Variants in OR52N2 observed in about 807,000 individuals in gnomAD.
OR52N2 encodes the protein olfactory receptor 52N2.
For missense variants in OR52N2, 326 were observed against 196.6 expected, an observed-to-expected ratio of 1.66 and a Z score of -3.94; for synonymous variants, 129 against 72.0, an observed-to-expected ratio of 1.79 and a Z score of -4.01.
At chr11:5,812,074 G>C (rs1312634658) in intron 1 of OR52N2, among the ~76,000 whole-genome samples, 1 of 152,154 alleles carries the variant, frequency 6.6e-6, no homozygotes, top group Non-Finnish European at 1.5e-5. Context: ...GGCCTGTTGG[G>C]GGTTGGGGGT....
chr11:5,814,201 AAAG>A (rs1846384655), intron 1 of OR52N2, among the ~76,000 whole-genome samples: 1 of 152,204 alleles, frequency 6.6e-6, no homozygotes, highest in Non-Finnish European at 1.5e-5. Context: ...CTCAATTGAA[AAAG>A]AAGAAGTAAA....
rs372312212 is a variant in OR52N2, at chr11:5,818,741, A to G, written c.-54-1541A>G. Among the ~76,000 whole-genome samples, 55 of 152,144 alleles carry G rather than the reference A, an allele frequency of 3.6e-4. No homozygotes were observed. In the South Asian group the frequency reaches 0.011, roughly 30 times the overall value. ...GGTGGCTTCCACTGGACTTAATCTT[A>G]TTTTCTTTTCATTCCATTCATTTCA... On this transcript the variant is annotated intron_variant, in intron 1 of 1. Transcript: ENST00000317037.
Position 5,821,046 on chromosome 11 carries a change from C to CA in OR52N2, c.714dup (p.Ala239SerfsTer70). The CA allele has an allele frequency of 1.3e-6, 1 of 781,014 alleles. No individual in the cohort carries two copies. The highest frequency in any genetic ancestry group is 2.4e-6 in the Non-Finnish European group (1 of 418,072). 48.4% of individuals were successfully genotyped at this position (781,014 alleles called of 1,614,324 possible). ...GCCTGTCATCAGCAGATGCTCGTCA[C>CA]AAAGCCTTCAGCACCTGCACATCTC... On this transcript the variant is annotated frameshift_variant, in exon 2 of 2. Transcript: ENST00000317037. LOFTEE classifies it low-confidence loss of function (END_TRUNC).
At chr11:5,819,666 C>T (rs1171151595) in intron 1 of OR52N2, among the ~76,000 whole-genome samples, 1 of 152,154 alleles carries the variant, frequency 6.6e-6, no homozygotes, top group Admixed American at 6.5e-5. Flanking sequence ...GAGTATCAGA[C>T]ATACCAAATT....
chr11:5,812,121 C>T lies in OR52N2; in HGVS notation c.-55+3067C>T, dbSNP rs566748396. The stretch of plus-strand genomic sequence containing the variant: ...AACTTAAAGGATGGGTCAATAGGTA[C>T]AGCAAACCACCATGGCACACGTATA... On this transcript the variant is annotated intron_variant, in intron 1 of 1. Coordinates refer to ENST00000317037, the MANE Select transcript of OR52N2 (RefSeq NM_001005174.3). 1.8e-4 allele frequency among the ~76,000 whole-genome samples: 27 copies of T among 152,096 alleles called. No homozygotes were observed. In the South Asian group the frequency reaches 5.4e-3, roughly 30 times the overall value.
intron 1 of OR52N2, among the ~76,000 whole-genome samples, chr11:5,815,352 A>T (rs979902566): frequency 6.6e-6 from 1 of 152,094 alleles, no homozygotes; most frequent in African/African-American, 2.4e-5. Flanking sequence ...TAATATCCAA[A>T]ATATATATAG....
At chr11:5,813,424 G>C (rs952601451) in intron 1 of OR52N2, among the ~76,000 whole-genome samples, 2 of 151,948 alleles carry the variant, frequency 1.3e-5, no homozygotes, top group African/African-American at 4.8e-5. Flanking sequence ...AGTCAATAAG[G>C]AAACATTGGA....
rs1846453112 is a variant in OR52N2 at position 5,821,349 on chromosome 11, CA to C, written c.*52del. 1 of 691,002 alleles carries C rather than the reference CA, an allele frequency of 1.4e-6. No individual in the cohort carries two copies. The highest frequency in any genetic ancestry group is 2.6e-6 in the Non-Finnish European group (1 of 380,534). The allele number at this position is 691,002 out of a possible 1,614,324, so 42.8% of individuals were successfully genotyped here. On this transcript the variant is annotated 3_prime_UTR_variant, in exon 2 of 2. Coordinates refer to ENST00000317037, the MANE Select transcript of OR52N2 (RefSeq NM_001005174.3). Reference sequence around the variant, plus strand: ...TCAGGTGGTGAGAAAATAATGGAGACAAAATTTCATAAAAGATGTGAATAAA... The same window carrying C: ...TCAGGTGGTGAGAAAATAATGGAGACAAATTTCATAAAAGATGTGAATAAA...
intron 1 of OR52N2, among the ~76,000 whole-genome samples, chr11:5,814,561 G>A (rs574644835): frequency 9.2e-5 from 14 of 151,920 alleles, no homozygotes; most frequent in East Asian, 5.8e-4. Context: ...AAATATTGCC[G>A]AAATAAATTA....
chr11:5,811,528 T>C (rs1212740208), intron 1 of OR52N2, among the ~76,000 whole-genome samples: 6 of 152,126 alleles, frequency 3.9e-5, no homozygotes, highest in East Asian at 1.9e-4. Flanking sequence ...GAATGTTTTA[T>C]GTAAGACTTG....
In OR52N2 at chr11:5,808,957, C is replaced by T. The variant is rs1175610828; in HGVS notation, c.-152C>T. Among the ~76,000 whole-genome samples, 1 of 151,748 alleles carries T rather than the reference C, an allele frequency of 6.6e-6. No individual in the cohort carries two copies. The highest frequency in any genetic ancestry group is 2.0e-4 in the East Asian group (1 of 5,112). ...CGGTATTGCAAGCCTCTCCTCCTCG[C>T]GTTGCTGAGAGTCCGAGTTTATTCA... is the stretch of plus-strand genomic sequence containing the variant. On this transcript the variant is annotated 5_prime_UTR_variant, in exon 1 of 2. Coordinates refer to ENST00000317037, the MANE Select transcript of OR52N2 (RefSeq NM_001005174.3).
intron 1 of OR52N2, among the ~76,000 whole-genome samples, chr11:5,819,561 A>G (rs1260060700): frequency 6.6e-6 from 1 of 152,206 alleles, no homozygotes; most frequent in Non-Finnish European, 1.5e-5. Context: ...CTTGTTAATG[A>G]TTTAGAATTG....
intron 1 of OR52N2, among the ~76,000 whole-genome samples, chr11:5,810,876 A>G (rs1846355929): frequency 6.6e-6 from 1 of 152,092 alleles, no homozygotes; most frequent in Non-Finnish European, 1.5e-5. Context: ...AGGTAATTTC[A>G]TAGAGTCATT....
At position 5,820,446 on chromosome 11, in the gene OR52N2, C is replaced by T. The variant is rs185921515; in HGVS notation, c.111C>T (p.Tyr37=). Residue 37 remains tyrosine, a synonymous_variant, in exon 2 of 2, where the codon TAC becomes TAT. Transcript: ENST00000317037. ...IWISLPFCFM[Y]IIAVVGNCGL... is the part of the protein sequence containing the mutation. Reference sequence around the variant, plus strand: ...TCTCCCTGCCATTCTGCTTTATGTACATCATTGCTGTCGTGGGGAACTGTG... The same window carrying T: ...TCTCCCTGCCATTCTGCTTTATGTATATCATTGCTGTCGTGGGGAACTGTG... 79 of 780,610 alleles carry T rather than the reference C, an allele frequency of 1.0e-4. No homozygotes were observed. In the Admixed American group the frequency reaches 1.3e-3, roughly 13 times the overall value. 48.4% of individuals were successfully genotyped at this position (780,610 alleles called of 1,614,324 possible).
In OR52N2 at chr11:5,821,335, G is replaced by A; in HGVS notation, c.*34G>A. 1.4e-6 allele frequency: 1 copy of A among 708,676 alleles called. No individual in the cohort carries two copies. The highest frequency in any genetic ancestry group is 2.6e-6 in the Non-Finnish European group (1 of 388,352). 43.9% of individuals were successfully genotyped at this position (708,676 alleles called of 1,614,324 possible). Reference sequence around the variant, plus strand: ...ATAGACATATTGTTTCAGGTGGTGAGAAAATAATGGAGACAAAATTTCATA... The same window carrying A: ...ATAGACATATTGTTTCAGGTGGTGAAAAAATAATGGAGACAAAATTTCATA... On this transcript the variant is annotated 3_prime_UTR_variant, in exon 2 of 2. Transcript: ENST00000317037.
At chr11:5,811,298 T>C (rs1590364668) in intron 1 of OR52N2, among the ~76,000 whole-genome samples, 2 of 152,070 alleles carry the variant, frequency 1.3e-5, no homozygotes, top group Non-Finnish European at 2.9e-5. Flanking sequence ...AATACTGTTA[T>C]GGTGGTATAT....
chr11:5,819,310 T>C (rs1195719171), intron 1 of OR52N2, among the ~76,000 whole-genome samples: 2 of 152,222 alleles, frequency 1.3e-5, no homozygotes, highest in African/African-American at 4.8e-5. Context: ...TACTGCTCCA[T>C]CAAGAAATAG....
chr11:5,810,821 T>C (rs546077991), intron 1 of OR52N2, among the ~76,000 whole-genome samples: 101 of 152,276 alleles, frequency 6.6e-4, no homozygotes, highest in African/African-American at 2.4e-3. Flanking sequence ...TTTGTTATTG[T>C]TGTTTTGCTT....
intron 1 of OR52N2, among the ~76,000 whole-genome samples, chr11:5,813,676 T>C (rs1422760057): frequency 2.0e-5 from 3 of 152,178 alleles, no homozygotes; most frequent in Non-Finnish European, 2.9e-5. Context: ...CCAAACTCAT[T>C]TTAATAAGCC....
Sources: gnomAD v4.1 joint callset for allele counts (sites outside exome capture counted in the v4.1 genomes callset) on GRCh38, gnomAD v4.1.1 for gene constraint, MANE v1.5 for transcripts, NCBI Gene and HGNC (gene_info 2026-07-23, HGNC 2026-07-21) for gene names.